GNG12: variants seen among roughly 807,000 people sequenced by gnomAD.
GNG12 encodes guanine nucleotide-binding protein G(I)/G(S)/G(O) subunit gamma-12.
For synonymous variants in GNG12, 28 were observed against 29.7 expected (o/e 0.94, Z 0.19); for missense variants, 69 against 83.8 (o/e 0.82, Z 0.69).
intron 2 of GNG12, among the ~76,000 whole-genome samples, chr1:67,732,823 A>G (rs558454803): frequency 6.6e-6 from 1 of 152,330 alleles, no homozygotes; most frequent in East Asian, 1.9e-4. Context: ...TTGTAGGGGC[A>G]GCAAGTTTCC....
chr1:67,820,165 G>T (rs1225683265), intron 1 of GNG12, among the ~76,000 whole-genome samples: 1 of 151,998 alleles, frequency 6.6e-6, no homozygotes, highest in Admixed American at 6.5e-5. Flanking sequence ...GAGGTGGGCG[G>T]ATCATCTGAG....
chr1:67,760,267 T>C (rs773552530), intron 2 of GNG12, among the ~76,000 whole-genome samples: 3 of 152,214 alleles, frequency 2.0e-5, no homozygotes, highest in Non-Finnish European at 4.4e-5. Context: ...ATGCAAATCC[T>C]GGGCAACTCC....
intron 2 of GNG12, among the ~76,000 whole-genome samples, chr1:67,709,844 A>G (rs1436135108): frequency 2.4e-5 from 3 of 126,630 alleles, no homozygotes; most frequent in African/African-American, 9.1e-5. Context: ...ATATATTTGT[A>G]TATATATTTA....
intron 2 of GNG12, among the ~76,000 whole-genome samples, chr1:67,736,500 C>T (rs931180718): frequency 6.6e-6 from 1 of 152,168 alleles, no homozygotes; most frequent in Non-Finnish European, 1.5e-5. Flanking sequence ...TAAATGAACC[C>T]TGTGCTGGGG....
intron 1 of GNG12, among the ~76,000 whole-genome samples, chr1:67,820,694 T>C (rs932827183): frequency 6.6e-6 from 1 of 152,198 alleles, no homozygotes; most frequent in African/African-American, 2.4e-5. Context: ...CCAAGCACAG[T>C]ATTCAACCTC....
chr1:67,832,710 C>G (rs7537084), intron 1 of GNG12, among the ~76,000 whole-genome samples: 44,364 of 152,018 alleles, frequency 0.29, 6,630 homozygotes, highest in Middle Eastern at 0.46. Context: ...TCGGGGGTCC[C>G]TCGCGGGGTG....
chr1:67,794,904 C>A (rs1000446955), intron 1 of GNG12, among the ~76,000 whole-genome samples: 6 of 152,212 alleles, frequency 3.9e-5, no homozygotes, highest in Non-Finnish European at 7.3e-5. Flanking sequence ...TACCTGCCAA[C>A]CCATTTTTTC....
intron 1 of GNG12, among the ~76,000 whole-genome samples, chr1:67,826,125 T>C (rs1220570130): frequency 3.3e-5 from 5 of 152,164 alleles, no homozygotes; most frequent in African/African-American, 9.7e-5. Flanking sequence ...ATAAACCAAA[T>C]GGTTAAGTGA....
chr1:67,795,145 C>A (rs2100788753), intron 1 of GNG12, among the ~76,000 whole-genome samples: 1 of 152,338 alleles, frequency 6.6e-6, no homozygotes, highest in Non-Finnish European at 1.5e-5. Context: ...CAGCTTCAAA[C>A]AGTAATCTCT....
At chr1:67,798,276 A>G (rs1646843591) in intron 1 of GNG12, among the ~76,000 whole-genome samples, 2 of 152,096 alleles carry the variant, frequency 1.3e-5, no homozygotes, top group Admixed American at 1.3e-4. Flanking sequence ...CCCTATGGTG[A>G]ACTGTGCATG....
At chr1:67,809,416 A>T (rs193021470) in intron 1 of GNG12, among the ~76,000 whole-genome samples, 200 of 152,340 alleles carry the variant, frequency 1.3e-3, no homozygotes, top group African/African-American at 4.6e-3. Flanking sequence ...GGCATGAACC[A>T]CAAAAGAGAG....
chr1:67,779,532 C>A (rs1389639587), intron 1 of GNG12, among the ~76,000 whole-genome samples: 2 of 152,096 alleles, frequency 1.3e-5, no homozygotes, highest in African/African-American at 4.8e-5. Context: ...CCCCCTTATG[C>A]CTTTGTGGAT....
chr1:67,710,060 A>G (rs185618913), intron 2 of GNG12, among the ~76,000 whole-genome samples: 467 of 40,858 alleles, frequency 0.011, 14 homozygotes, highest in Admixed American at 0.02. Flanking sequence ...TTATATATAT[A>G]TAGTTATATA....
At chr1:67,752,184 A>C (rs186971466) in intron 2 of GNG12, among the ~76,000 whole-genome samples, 1 of 152,116 alleles carries the variant, frequency 6.6e-6, no homozygotes, top group African/African-American at 2.4e-5. Flanking sequence ...TCTAACGTAT[A>C]CTCCTTCACT....
intron 1 of GNG12, among the ~76,000 whole-genome samples, chr1:67,821,285 T>C (rs1465462891): frequency 6.6e-6 from 1 of 151,968 alleles, no homozygotes; most frequent in Non-Finnish European, 1.5e-5. Context: ...AAGGAGCCCT[T>C]AAAAACAGAA....
chr1:67,794,851 A>G (rs1646820845), intron 1 of GNG12, among the ~76,000 whole-genome samples: 1 of 152,194 alleles, frequency 6.6e-6, no homozygotes, highest in African/African-American at 2.4e-5. Context: ...TGGTCGCTCC[A>G]TCCATCTATC....
chr1:67,773,475 G>A (rs79379449), intron 2 of GNG12, among the ~76,000 whole-genome samples: 4,130 of 152,220 alleles, frequency 0.027, 199 homozygotes, highest in African/African-American at 0.095. Context: ...CTAGTTTATA[G>A]TTCGCTACCA....
chr1:67,728,288 C>T (rs1177301492), intron 2 of GNG12, among the ~76,000 whole-genome samples: 1 of 152,172 alleles, frequency 6.6e-6, no homozygotes, highest in Non-Finnish European at 1.5e-5. Context: ...GTGAGCTGCA[C>T]TCCTAGTTAA....
At chr1:67,776,031 T>A (rs1254075610) in intron 2 of GNG12, among the ~76,000 whole-genome samples, 2 of 151,794 alleles carry the variant, frequency 1.3e-5, no homozygotes, top group African/African-American at 4.8e-5. Context: ...GGATGGCAGG[T>A]AGGGAGGGAG....
Sources: gnomAD v4.1 joint callset for allele counts (sites outside exome capture counted in the v4.1 genomes callset) on GRCh38, gnomAD v4.1.1 for gene constraint, MANE v1.5 for transcripts, NCBI Gene and HGNC (gene_info 2026-07-23, HGNC 2026-07-21) for gene names.